The following PYHIN1 variants were observed in gnomAD, a reference collection of about 807,000 sequenced individuals.
PYHIN1 encodes the protein pyrin and HIN domain family member 1.
PYHIN1 carries 32 observed loss-of-function variants against 43.7 expected under a neutral mutation model. The ratio of observed to expected loss-of-function variants is 0.73; its 90% confidence interval spans 0.55 to 0.98. The LOEUF (loss-of-function observed/expected upper bound fraction) is 0.98. Ranked by LOEUF, PYHIN1 falls within the 50% of genes least tolerant of loss-of-function variation. The pLI, the probability that PYHIN1 is intolerant of heterozygous loss-of-function variation, is 0.00. For missense variants in PYHIN1, 588 were observed against 589.5 expected (o/e 1.00, Z 0.03); for synonymous variants, 205 against 203.1 (o/e 1.01, Z -0.08).
At chr1:158,948,368 A>C (rs1317834430) in intron 7 of PYHIN1, among the ~76,000 whole-genome samples, 2 of 152,180 alleles carry the variant, frequency 1.3e-5, no homozygotes, top group Non-Finnish European at 2.9e-5. Context: ...CTGCTGCCAA[A>C]TTGTCATGAA....
At chr1:158,958,921 G>A (rs1053389534) in intron 7 of PYHIN1, among the ~76,000 whole-genome samples, 9 of 151,224 alleles carry the variant, frequency 6.0e-5, no homozygotes, top group African/African-American at 1.5e-4. Flanking sequence ...CTGAGGCTCC[G>A]CTAGCCTTAA....
chr1:158,959,620 C>T (rs181620787), intron 7 of PYHIN1, among the ~76,000 whole-genome samples: 9 of 152,166 alleles, frequency 5.9e-5, no homozygotes, highest in African/African-American at 2.2e-4. Context: ...AAAATTTTTC[C>T]TACCAGCCTG....
chr1:158,931,967 AG>A (rs1648191567), intron 1 of PYHIN1, among the ~76,000 whole-genome samples, 191 bp downstream of exon 1: 1 of 152,198 alleles, frequency 6.6e-6, no homozygotes, highest in Non-Finnish European at 1.5e-5. Flanking sequence ...CAAAGATAGT[AG>A]ATATCCTTTA....
chr1:158,983,179 G>A, the PYHIN1 span, among the ~76,000 whole-genome samples: 6 of 151,866 alleles, frequency 4.0e-5, no homozygotes, highest in African/African-American at 1.2e-4. Context: ...CCAGTGCTAT[G>A]TTGAACCAGG....
rs1335727051 is a variant in PYHIN1, at chr1:158,944,935, C to G, written c.1252C>G (p.Gln418Glu). ...CAGGAGCATGGCACTACCCCAGGAA[C>G]AGAGTCAGCATCCAAAACCTTCAGA... The part of the protein sequence containing the change: ...DSRSMALPQE[Q>E]SQHPKPSEAS... Residue 418 changes from glutamine to glutamate, a missense_variant, in exon 7 of 9, where the codon CAG (glutamine) becomes GAG (glutamate). Transcript: ENST00000368140. 1.2e-6 allele frequency: 2 copies of G among 1,613,636 alleles called. No homozygotes were observed. The highest frequency in any genetic ancestry group is 1.7e-6 in the Non-Finnish European group (2 of 1,179,790).
In PYHIN1 at chr1:158,973,711, T is replaced by C. The variant is rs772276612; in HGVS notation, c.1424T>C (p.Val475Ala). 61 of 1,613,276 alleles carry C rather than the reference T, an allele frequency of 3.8e-5. 3 individuals carry two copies. Among genetic ancestry groups the C allele is most frequent in the Admixed American group, 3.0e-4 (18 of 59,862 alleles). ...PANFRITSPT[V>A]APPLSSDTST... is the part of the protein sequence containing the mutation. ...AACTTTAGAATCACCTCACCAACTG[T>C]GGCCCCTCCTCTTTCTTCTGACACT... is the stretch of plus-strand genomic sequence containing the variant. Residue 475 changes from valine to alanine, a missense_variant, in exon 8 of 9, where the codon GTG becomes GCG. By Grantham distance (64) the Val-to-Ala change is moderately conservative. Transcript: ENST00000368140.
chr1:158,969,894 C>T (rs1650839207), intron 7 of PYHIN1, among the ~76,000 whole-genome samples: 1 of 151,920 alleles, frequency 6.6e-6, no homozygotes, highest in Non-Finnish European at 1.5e-5. Context: ...CATGTATCTC[C>T]ATGGCCACCT....
chr1:158,972,238 C>A (rs1571785609), intron 7 of PYHIN1, among the ~76,000 whole-genome samples: 1 of 152,030 alleles, frequency 6.6e-6, no homozygotes, highest in Admixed American at 6.6e-5. Context: ...CAGAAAATGT[C>A]ACAAACCCCA....
At chr1:158,958,202 T>C (rs1312096481) in intron 7 of PYHIN1, among the ~76,000 whole-genome samples, 36 of 151,826 alleles carry the variant, frequency 2.4e-4, no homozygotes, top group Middle Eastern at 3.4e-3. Context: ...GTGTGGCGAT[T>C]CCTCAGGGAT....
intron 8 of PYHIN1, among the ~76,000 whole-genome samples, chr1:158,974,806 C>A (rs1270502161): frequency 1.3e-5 from 2 of 152,008 alleles, no homozygotes; most frequent in Non-Finnish European, 2.9e-5. Flanking sequence ...TCCTCTTTAG[C>A]CATCTTGGCT....
intron 7 of PYHIN1, among the ~76,000 whole-genome samples, chr1:158,948,798 T>C (rs1171193541): frequency 6.6e-6 from 1 of 152,162 alleles, no homozygotes; most frequent in Non-Finnish European, 1.5e-5. Flanking sequence ...TTGCCAATCA[T>C]GTGTCAAATT....
At chr1:158,938,338 C>A in intron 2 of PYHIN1, 59 bp from the exon 3 acceptor site, 1 of 1,575,894 alleles carries the variant, frequency 6.3e-7, no homozygotes, top group Non-Finnish European at 8.7e-7. Context: ...ATTGAAACTG[C>A]TTCGGGTGTC....
In PYHIN1 at chr1:158,933,836, T is replaced by C. The variant is rs1163483103; in HGVS notation, c.-21+2060T>C. Among the ~76,000 whole-genome samples, 2 of 152,118 alleles carry C rather than the reference T, an allele frequency of 1.3e-5. No individual in the cohort carries two copies. Among genetic ancestry groups the C allele is most frequent in the Admixed American group, 6.5e-5 (1 of 15,278 alleles). Reference sequence around the variant, plus strand: ...TGATCAGGGCTTTCTTTTTAAGTCATAGGCACACATAATCAAGTTCGTTTT... The same window carrying C: ...TGATCAGGGCTTTCTTTTTAAGTCACAGGCACACATAATCAAGTTCGTTTT... On this transcript the variant is annotated intron_variant, in intron 1 of 8. Transcript: ENST00000368140. This position sits in a 1 kb window ranked among gnomAD's most constrained non-coding sequence, Gnocchi z 6.3.
chr1:158,938,314 T>C (rs1384308760), intron 2 of PYHIN1, 83 bp from the exon 3 acceptor site: 1 of 1,449,704 alleles, frequency 6.9e-7, no homozygotes, highest in African/African-American at 1.4e-5. Context: ...AAGCAGGAGC[T>C]AAGAGCAAAT....
intron 7 of PYHIN1, among the ~76,000 whole-genome samples, chr1:158,963,146 CAG>C (rs1245063078): frequency 6.6e-6 from 1 of 152,202 alleles, no homozygotes; most frequent in East Asian, 1.9e-4. Flanking sequence ...GTGCAGCTCC[CAG>C]AGGCAACCAA....
At chr1:158,936,683 GATGGGACGTATCTCA>G (rs1401863967) in intron 1 of PYHIN1, among the ~76,000 whole-genome samples, 193 bp from the exon 2 acceptor site, 1 of 152,138 alleles carries the variant, frequency 6.6e-6, no homozygotes, top group African/African-American at 2.4e-5. Flanking sequence ...ATTAGGTATT[GATGGGACGTATCTCA>G]AAATAATAAG....
Position 158,936,914 on chromosome 1 carries a change from G to A in PYHIN1, c.4G>A (p.Ala2Thr). Residue 2 changes from alanine to threonine, a missense_variant, in exon 2 of 9, where the codon GCA becomes ACA. Coordinates refer to ENST00000368140, the MANE Select transcript of PYHIN1 (RefSeq NM_152501.5). M[A>T]NNYKKIVLLK... ...AGGCTCACTTATATCTTTAGAGATG[G>A]CAAATAACTACAAGAAAATTGTTCT... The A allele has an allele frequency of 6.4e-7, 1 of 1,574,496 alleles. No homozygotes were observed. The highest frequency in any genetic ancestry group is 1.2e-5 in the South Asian group (1 of 82,748).
chr1:158,935,304 A>AG (rs1415412212), intron 1 of PYHIN1, among the ~76,000 whole-genome samples: 1 of 152,158 alleles, frequency 6.6e-6, no homozygotes, highest in East Asian at 1.9e-4. Context: ...TTAAAAAAAA[A>AG]AAAAAAAAGA....
chr1:158,937,940 G>A (rs1479798974), intron 2 of PYHIN1, among the ~76,000 whole-genome samples: 11 of 129,542 alleles, frequency 8.5e-5, no homozygotes, highest in African/African-American at 2.7e-4. Flanking sequence ...GCGAGACTCC[G>A]TCTCAAAAAA....
Sources: allele counts gnomAD v4.1 joint callset (sites outside exome capture counted in the v4.1 genomes callset), GRCh38; gene constraint gnomAD v4.1.1; non-coding constraint Gnocchi (gnomAD v3.1); transcripts MANE v1.5; gene names NCBI Gene and HGNC (gene_info 2026-07-23, HGNC 2026-07-21).